CACNA1E: variants seen among roughly 807,000 people sequenced by gnomAD.
CACNA1E encodes voltage-dependent R-type calcium channel subunit alpha-1E.
In CACNA1E, 40 loss-of-function variants were observed where a neutral mutation model predicts 259.2. The observed-to-expected ratio is 0.15, with a 90% CI of 0.12 to 0.20. CACNA1E has a LOEUF of 0.20. CACNA1E is among the 10% of genes least tolerant of loss of function. The probability of loss-of-function intolerance (pLI) is 1.00; values close to 1 mark genes in which losing one functional copy is unlikely to be tolerated. For missense variants in CACNA1E, 1,874 were observed against 3,040.1 expected, an observed-to-expected ratio of 0.62 and a Z score of 9.02; for synonymous variants, 1,104 against 1,138.5, an observed-to-expected ratio of 0.97 and a Z score of 0.61.
chr1:181,425,546 C>A (rs1361620863), intron 2 of CACNA1E, among the ~76,000 whole-genome samples: 1 of 137,772 alleles, frequency 7.3e-6, no homozygotes, highest in Non-Finnish European at 1.6e-5. Flanking sequence ...CCCCCGACCC[C>A]AAGCAGAGTT....
chr1:181,705,428 A>G (rs1652699597), intron 7 of CACNA1E, among the ~76,000 whole-genome samples: 1 of 152,276 alleles, frequency 6.6e-6, no homozygotes, highest in African/African-American at 2.4e-5. Context: ...AGTAACCAGG[A>G]TAAAAGAAAA....
chr1:181,451,756 TA>T (rs1350387378), intron 2 of CACNA1E, among the ~76,000 whole-genome samples: 3 of 152,122 alleles, frequency 2.0e-5, no homozygotes, highest in African/African-American at 7.2e-5. Flanking sequence ...ACCTAAAGGG[TA>T]AAGCCTTTGA....
intron 3 of CACNA1E, among the ~76,000 whole-genome samples, chr1:181,525,324 C>T (rs1667276714): frequency 6.6e-6 from 1 of 152,224 alleles, no homozygotes; most frequent in Non-Finnish European, 1.5e-5. Context: ...TTTCACTTTG[C>T]CCTAATGCAG....
intron 28 of CACNA1E, 81 bp from the exon 29 acceptor site, chr1:181,755,875 T>C (rs1389665354): frequency 1.4e-6 from 2 of 1,381,252 alleles, no homozygotes; most frequent in African/African-American, 1.4e-5. Flanking sequence ...CCCACATTAT[T>C]GCGGCCTGTA....
intron 45 of CACNA1E, 110 bp downstream of exon 45, chr1:181,793,903 C>T: frequency 8.4e-7 from 1 of 1,195,428 alleles, no homozygotes; most frequent in Non-Finnish European, 1.1e-6. Flanking sequence ...CGCACCCCTT[C>T]CCTATAAATA....
intron 3 of CACNA1E, among the ~76,000 whole-genome samples, chr1:181,536,066 T>C (rs758747348): frequency 2.6e-5 from 4 of 152,218 alleles, no homozygotes; most frequent in Non-Finnish European, 5.9e-5. Flanking sequence ...CTTTTGGTGC[T>C]GTAAAATTTC....
At chr1:181,525,444 T>A (rs998547631) in intron 3 of CACNA1E, among the ~76,000 whole-genome samples, 1 of 151,884 alleles carries the variant, frequency 6.6e-6, no homozygotes, top group Non-Finnish European at 1.5e-5. Flanking sequence ...GTATTTCATA[T>A]TTTTTTTATT....
At chr1:181,611,975 C>A (rs1288060058) in intron 6 of CACNA1E, among the ~76,000 whole-genome samples, 2 of 152,176 alleles carry the variant, frequency 1.3e-5, no homozygotes, top group Non-Finnish European at 2.9e-5. Flanking sequence ...AAAAAACACG[C>A]AAGAGAAGAT....
chr1:181,643,719 A>G (rs1658010346), intron 6 of CACNA1E, among the ~76,000 whole-genome samples: 1 of 152,200 alleles, frequency 6.6e-6, no homozygotes, highest in African/African-American at 2.4e-5. Flanking sequence ...TGGCAAAAGA[A>G]GGGGAAGAAT....
At chr1:181,443,118 C>T (rs1660600863) in intron 2 of CACNA1E, among the ~76,000 whole-genome samples, 2 of 152,346 alleles carry the variant, frequency 1.3e-5, no homozygotes, top group Middle Eastern at 3.4e-3. Context: ...AGTTTACACA[C>T]ACCACTTTAC....
intron 17 of CACNA1E, 58 bp downstream of exon 17, chr1:181,724,595 C>G: frequency 1.4e-6 from 2 of 1,384,216 alleles, no homozygotes; most frequent in South Asian, 1.2e-5. Flanking sequence ...TACCCTTTGG[C>G]CTTTGGAACT....
chr1:181,446,524 CT>C (rs1203653492), intron 2 of CACNA1E, among the ~76,000 whole-genome samples: 1 of 152,182 alleles, frequency 6.6e-6, no homozygotes, highest in Non-Finnish European at 1.5e-5. Flanking sequence ...GGCTAATGTA[CT>C]ATATGAAGAT....
intron 13 of CACNA1E, 75 bp downstream of exon 13, chr1:181,719,938 A>G (rs545126392): frequency 7.8e-6 from 7 of 894,858 alleles, no homozygotes; most frequent in East Asian, 2.7e-5. Flanking sequence ...ATTTTCTTCC[A>G]TCTTCTCTTT....
intron 1 of CACNA1E, among the ~76,000 whole-genome samples, chr1:181,360,051 A>G (rs1423529379): frequency 6.6e-6 from 1 of 152,144 alleles, no homozygotes; most frequent in African/African-American, 2.4e-5. Flanking sequence ...CTTCTGGTGC[A>G]CGGGAATCAT....
At chr1:181,792,297 CTCATT>C (rs1661391225) in intron 44 of CACNA1E, among the ~76,000 whole-genome samples, 1 of 152,340 alleles carries the variant, frequency 6.6e-6, no homozygotes, top group South Asian at 2.1e-4. Flanking sequence ...ATGTGTTCAT[CTCATT>C]GTCAGTACCA....
intron 6 of CACNA1E, among the ~76,000 whole-genome samples, chr1:181,628,386 C>T (rs1409329046): frequency 6.6e-6 from 1 of 152,052 alleles, no homozygotes; most frequent in Admixed American, 6.6e-5. Flanking sequence ...ATTCTTTCTC[C>T]CAGGAGCTCA....
chr1:181,498,388 C>A (rs1423253187), intron 1 of CACNA1E, among the ~76,000 whole-genome samples: 1 of 152,166 alleles, frequency 6.6e-6, no homozygotes, highest in South Asian at 2.1e-4. Context: ...AAGCTGCTAG[C>A]GAATCCAACT....
intron 25 of CACNA1E, among the ~76,000 whole-genome samples, chr1:181,750,057 G>C (rs1441271373): frequency 6.6e-6 from 1 of 152,226 alleles, no homozygotes; most frequent in Non-Finnish European, 1.5e-5. Context: ...CTGCAGCCTG[G>C]TTTCTTATAA....
chr1:181,492,728 A>C (rs967287232), intron 1 of CACNA1E, among the ~76,000 whole-genome samples: 1 of 152,188 alleles, frequency 6.6e-6, no homozygotes, highest in Non-Finnish European at 1.5e-5. Flanking sequence ...TCTCAGCAAG[A>C]GGTTGTCAGA....
Sources: gnomAD v4.1 joint callset for allele counts (sites outside exome capture counted in the v4.1 genomes callset) on GRCh38, gnomAD v4.1.1 for gene constraint, MANE v1.5 for transcripts, NCBI Gene and HGNC (gene_info 2026-07-23, HGNC 2026-07-21) for gene names.